The following SLC1A3 variants were observed in gnomAD, a reference collection of about 807,000 sequenced individuals.
SLC1A3 encodes the protein excitatory amino acid transporter 1.
Under a neutral mutation model 48.1 loss-of-function variants are expected in SLC1A3, and 21 were observed. The observed-to-expected ratio is 0.44, with a 90% CI of 0.31 to 0.63. The LOEUF is 0.63. Among genes scored for constraint, SLC1A3 ranks in the 20% least tolerant of loss-of-function variants. The pLI is 0.08. For synonymous variants in SLC1A3, 239 were observed against 251.4 expected (o/e 0.95, Z 0.47); for missense variants, 546 against 689.0 (o/e 0.79, Z 2.32).
intron 2 of SLC1A3, chr5:36,608,851 T>A: frequency 8.0e-7 from 1 of 1,247,962 alleles, no homozygotes; most frequent in East Asian, 3.4e-5. Context: ...GAAAAATAAA[T>A]AAAATATTTT....
At chr5:36,626,757 A>T (rs1386026532) in intron 2 of SLC1A3, among the ~76,000 whole-genome samples, 4 of 152,248 alleles carry the variant, frequency 2.6e-5, no homozygotes, top group African/African-American at 9.6e-5. Context: ...AGCAGGAAAA[A>T]GACAGATATA....
chr5:36,655,387 G>A (rs1741246016), intron 3 of SLC1A3, among the ~76,000 whole-genome samples: 1 of 152,096 alleles, frequency 6.6e-6, no homozygotes, highest in Non-Finnish European at 1.5e-5. Flanking sequence ...TAATTGTTAG[G>A]CAGTTTCAGA....
intron 3 of SLC1A3, among the ~76,000 whole-genome samples, chr5:36,631,959 A>C (rs552382248): frequency 1.3e-4 from 20 of 152,366 alleles, no homozygotes; most frequent in African/African-American, 4.6e-4. Flanking sequence ...GGCAGGCTCC[A>C]TTGCTTTAGA....
intron 3 of SLC1A3, among the ~76,000 whole-genome samples, chr5:36,637,893 T>A (rs1159915486): frequency 6.7e-6 from 1 of 149,116 alleles, no homozygotes; most frequent in East Asian, 2.0e-4. Context: ...CCCAGAGTTC[T>A]TTAATTAATT....
Position 36,686,104 on chromosome 5 carries a change from C to T in SLC1A3, c.1464C>T (p.Ser488=), listed in dbSNP as rs1488665355. The T allele has an allele frequency of 5.0e-6, 8 of 1,614,060 alleles. No homozygotes were observed. In the Admixed American group the frequency reaches 1.0e-4, roughly 20 times the overall value. The change falls in exon 10 of 10, where the codon TCC becomes TCT. Residue 488 remains serine, a synonymous_variant. Transcript: ENST00000265113. ...CCACCACCAACGTACTGGGAGACTCCCTGGGAGCTGGGATTGTGGAGCACT... is the reference window on the plus strand; with the variant it reads ...CCACCACCAACGTACTGGGAGACTCTCTGGGAGCTGGGATTGTGGAGCACT... ...LRTTTNVLGD[S]LGAGIVEHLS... is the part of the protein sequence containing the mutation.
At position 36,613,922 on chromosome 5, in the gene SLC1A3, A is replaced by C. The variant is rs573832694; in HGVS notation, c.181+5318A>C. On this transcript the variant is annotated intron_variant, in intron 2 of 9. Transcript: ENST00000265113. ...TACAGAAAAATTGTCAGGGCTAGTG[A>C]TAACACATGTACCCACAGCACACAT... Among the ~76,000 whole-genome samples, 14 of 152,308 alleles carry C rather than the reference A, an allele frequency of 9.2e-5. 2 individuals are homozygous for C. The highest frequency in any genetic ancestry group is 2.2e-4 in the African/African-American group (9 of 41,568).
chr5:36,632,081 G>T (rs1360119593), intron 3 of SLC1A3, among the ~76,000 whole-genome samples: 1 of 152,214 alleles, frequency 6.6e-6, no homozygotes, highest in Admixed American at 6.5e-5. Flanking sequence ...CATGGATACA[G>T]AGAAATATTT....
intron 3 of SLC1A3, among the ~76,000 whole-genome samples, chr5:36,657,579 C>T (rs945805548): frequency 1.4e-4 from 21 of 152,272 alleles, no homozygotes; most frequent in African/African-American, 5.1e-4. Context: ...TGTTTTCATA[C>T]GACATAAGCC....
At chr5:36,668,135 A>G (rs1196286790) in intron 3 of SLC1A3, 2 of 152,266 alleles carry the variant, frequency 1.3e-5, no homozygotes, top group Non-Finnish European at 2.9e-5. Flanking sequence ...AGTTCCTGCC[A>G]AAGTGCCCCA....
intron 2 of SLC1A3, among the ~76,000 whole-genome samples, chr5:36,624,322 G>C (rs1253559964): frequency 6.6e-6 from 1 of 152,234 alleles, no homozygotes; most frequent in African/African-American, 2.4e-5. Flanking sequence ...CCTTCAGTCA[G>C]TACCATGGCT....
At chr5:36,622,883 G>A (rs976739177) in intron 2 of SLC1A3, among the ~76,000 whole-genome samples, 3 of 151,776 alleles carry the variant, frequency 2.0e-5, no homozygotes, top group Admixed American at 1.3e-4. Context: ...GTGGTGGCAG[G>A]CGCATGTAGT....
chr5:36,677,797 G>T (rs562185358), intron 6 of SLC1A3, among the ~76,000 whole-genome samples: 1 of 152,314 alleles, frequency 6.6e-6, no homozygotes, highest in South Asian at 2.1e-4. Flanking sequence ...GGTGTTTCCA[G>T]TAAAGGGAAA....
chr5:36,602,325 G>A (rs142163602), upstream of SLC1A3, among the ~76,000 whole-genome samples: 44 of 152,248 alleles, frequency 2.9e-4, no homozygotes, highest in African/African-American at 1.0e-3. Flanking sequence ...GGGTCTACAG[G>A]ACCAGTAATA....
intron 4 of SLC1A3, among the ~76,000 whole-genome samples, chr5:36,672,699 TA>T: frequency 6.6e-6 from 1 of 152,312 alleles, no homozygotes. Context: ...CATCTCTATG[TA>T]TGTAAACACT....
At chr5:36,629,079 C>G (rs1375491157) in intron 2 of SLC1A3, among the ~76,000 whole-genome samples, 1 of 152,078 alleles carries the variant, frequency 6.6e-6, no homozygotes, top group Admixed American at 6.6e-5. Flanking sequence ...TAAAATAAAG[C>G]CTTTTTTTTC....
intron 3 of SLC1A3, among the ~76,000 whole-genome samples, chr5:36,631,543 A>C (rs868767020): frequency 6.6e-6 from 1 of 152,242 alleles, no homozygotes; most frequent in African/African-American, 2.4e-5. Context: ...TAAGCTGCAA[A>C]CAACTAATAT....
chr5:36,671,219 C>T lies in SLC1A3; in HGVS notation c.510C>T (p.Phe170=), dbSNP rs774420370. ...KIVRVTAADA[F]LDLIRNMFPP... is the part of the protein sequence containing the mutation. Reference sequence around the variant, plus strand: ...TACGAGTGACAGCTGCAGATGCCTTCCTGGACTTGATCAGGTATGTCCTTG... The same window carrying T: ...TACGAGTGACAGCTGCAGATGCCTTTCTGGACTTGATCAGGTATGTCCTTG... Residue 170 remains phenylalanine, a synonymous_variant, in exon 4 of 10, where the codon TTC becomes TTT. Transcript: ENST00000265113. 2 of 1,612,962 alleles carry T rather than the reference C, an allele frequency of 1.2e-6. No homozygotes were observed. The highest frequency in any genetic ancestry group is 2.7e-5 in the African/African-American group (2 of 74,882).
In SLC1A3 at chr5:36,677,004, T is replaced by A. The variant is rs1436981050; in HGVS notation, c.680T>A (p.Ile227Asn). 6.2e-7 allele frequency: 1 copy of A among 1,614,072 alleles called. No individual in the cohort carries two copies. Reference sequence around the variant, plus strand: ...GAGGCCATGGAGACTCTTACCCGAATCACAGAGGAGCTGGTCCCAGTTCCA... The same window carrying A: ...GAGGCCATGGAGACTCTTACCCGAAACACAGAGGAGCTGGTCCCAGTTCCA... ...VSEAMETLTRITEELVPVPGS... is the reference protein window; with the variant it reads ...VSEAMETLTRNTEELVPVPGS... The change falls in exon 6 of 10, where the codon ATC becomes AAC. Residue 227 changes from isoleucine to asparagine, a missense_variant. Ile to Asn is a moderately radical substitution (Grantham distance 149). Coordinates refer to ENST00000265113, the MANE Select transcript of SLC1A3 (RefSeq NM_004172.5).
intron 9 of SLC1A3, among the ~76,000 whole-genome samples, chr5:36,684,878 C>A (rs931880163): frequency 6.6e-6 from 1 of 152,112 alleles, no homozygotes; most frequent in East Asian, 1.9e-4. Context: ...TGAGGGTGCC[C>A]GTGTCCTCTA....
Sources: gnomAD v4.1 joint callset for allele counts (sites outside exome capture counted in the v4.1 genomes callset) on GRCh38, gnomAD v4.1.1 for gene constraint, MANE v1.5 for transcripts, NCBI Gene and HGNC (gene_info 2026-07-23, HGNC 2026-07-21) for gene names.